The following CSGALNACT1 variants were observed in gnomAD, a reference collection of about 807,000 sequenced individuals.
CSGALNACT1 encodes the protein chondroitin sulfate N-acetylgalactosaminyltransferase 1, also known as beta4GalNAcT-1.
A neutral mutation model predicts 51.0 loss-of-function variants in CSGALNACT1; 52 were observed. The observed-to-expected ratio is 1.02, with a 90% CI of 0.82 to 1.29. CSGALNACT1 has a LOEUF of 1.29. CSGALNACT1 is among the 50% of genes most tolerant of loss of function. The pLI, the probability that CSGALNACT1 is intolerant of heterozygous loss-of-function variation, is 0.00. For missense variants in CSGALNACT1, 935 were observed against 679.2 expected, an observed-to-expected ratio of 1.38 and a Z score of -4.19; for synonymous variants, 341 against 254.4, an observed-to-expected ratio of 1.34 and a Z score of -3.24.
chr8:19,672,748 CTT>C (rs1324691047), intron 1 of CSGALNACT1, among the ~76,000 whole-genome samples: 1 of 152,060 alleles, frequency 6.6e-6, no homozygotes, highest in Non-Finnish European at 1.5e-5. Context: ...CAAAAAGAAA[CTT>C]ATTTTTTATA....
intron 6 of CSGALNACT1, among the ~76,000 whole-genome samples, chr8:19,435,133 T>C (rs1292730341): frequency 2.0e-5 from 3 of 152,196 alleles, no homozygotes; most frequent in Admixed American, 6.5e-5. Context: ...TGGGCAAAGA[T>C]GAACTTGTAA....
intron 1 of CSGALNACT1, among the ~76,000 whole-genome samples, chr8:19,702,818 C>G (rs1055329329): frequency 1.3e-5 from 2 of 152,130 alleles, no homozygotes; most frequent in African/African-American, 4.8e-5. Context: ...TGCCATGGAT[C>G]TAGTGCAGAA....
intron 1 of CSGALNACT1, among the ~76,000 whole-genome samples, chr8:19,735,871 A>T (rs1005324462): frequency 3.9e-5 from 6 of 152,200 alleles, no homozygotes; most frequent in Non-Finnish European, 8.8e-5. Context: ...AACAATTCAA[A>T]AGTGAACAAA....
intron 1 of CSGALNACT1, among the ~76,000 whole-genome samples, chr8:19,731,487 G>A (rs777609317): frequency 1.3e-5 from 2 of 152,138 alleles, no homozygotes; most frequent in East Asian, 3.9e-4. Context: ...TAGCCTGGAC[G>A]AGAGCGAGAC....
At chr8:19,666,018 C>G (rs555707339) in intron 1 of CSGALNACT1, among the ~76,000 whole-genome samples, 6 of 152,300 alleles carry the variant, frequency 3.9e-5, no homozygotes, top group Admixed American at 1.3e-4. Flanking sequence ...TCACAGCTCT[C>G]ACATGGCAGT....
At chr8:19,436,646 C>T (rs1185832490) in intron 6 of CSGALNACT1, among the ~76,000 whole-genome samples, 2 of 152,144 alleles carry the variant, frequency 1.3e-5, no homozygotes, top group Admixed American at 1.3e-4. Flanking sequence ...GAGGATCACA[C>T]CCATAATCCC....
At chr8:19,751,874 G>A (rs2065050978) in intron 1 of CSGALNACT1, among the ~76,000 whole-genome samples, 1 of 151,916 alleles carries the variant, frequency 6.6e-6, no homozygotes, top group African/African-American at 2.4e-5. Flanking sequence ...TGCCCCCTGT[G>A]CAACCTTTGG....
intron 3 of CSGALNACT1, among the ~76,000 whole-genome samples, chr8:19,563,138 G>A (rs1001768685): frequency 1.1e-4 from 17 of 152,270 alleles, no homozygotes; most frequent in African/African-American, 1.4e-4. Flanking sequence ...GGACATGGAC[G>A]GAGCTAGAAG....
intron 1 of CSGALNACT1, among the ~76,000 whole-genome samples, chr8:19,730,400 A>G (rs2063626663): frequency 6.6e-6 from 1 of 152,190 alleles, no homozygotes; most frequent in Admixed American, 6.5e-5. Context: ...CTAATAAAGA[A>G]ATTGCTTATG....
chr8:19,723,432 G>C (rs532843542), intron 1 of CSGALNACT1, among the ~76,000 whole-genome samples: 135 of 152,266 alleles, frequency 8.9e-4, no homozygotes, highest in Non-Finnish European at 1.5e-3. Context: ...CAAATGCAAG[G>C]TACCATTCTG....
intron 4 of CSGALNACT1, among the ~76,000 whole-genome samples, chr8:19,485,044 C>G (rs1462982383): frequency 6.6e-6 from 1 of 152,164 alleles, no homozygotes; most frequent in Non-Finnish European, 1.5e-5. Context: ...AAATAAACTT[C>G]TCTTGTCTCA....
chr8:19,729,929 G>A (rs1249340298), intron 1 of CSGALNACT1, among the ~76,000 whole-genome samples: 3 of 152,128 alleles, frequency 2.0e-5, no homozygotes, highest in Non-Finnish European at 4.4e-5. Flanking sequence ...CATTTCCCCA[G>A]CACCTTCAGC....
chr8:19,500,090 C>A (rs1028887196), intron 4 of CSGALNACT1, among the ~76,000 whole-genome samples: 2 of 152,310 alleles, frequency 1.3e-5, no homozygotes, highest in Admixed American at 1.3e-4. Context: ...TATTTGAAAG[C>A]AGTAAAAGGA....
At chr8:19,469,871 A>T (rs142732392) in intron 4 of CSGALNACT1, among the ~76,000 whole-genome samples, 138 of 152,304 alleles carry the variant, frequency 9.1e-4, no homozygotes, top group African/African-American at 3.2e-3. Context: ...ACTCTGTGAA[A>T]CCAGAACTTG....
chr8:19,601,561 A>G (rs1218255588), intron 2 of CSGALNACT1, among the ~76,000 whole-genome samples: 1 of 152,264 alleles, frequency 6.6e-6, no homozygotes, highest in Non-Finnish European at 1.5e-5. Context: ...TGTAGATGTT[A>G]CAGCCTTTAA....
chr8:19,723,148 G>A (rs192772171), intron 1 of CSGALNACT1, among the ~76,000 whole-genome samples: 1 of 152,006 alleles, frequency 6.6e-6, no homozygotes, highest in Non-Finnish European at 1.5e-5. Context: ...ACCTTATTTT[G>A]GGCTCTGGCC....
chr8:19,413,294 T>A (rs981719865), intron 8 of CSGALNACT1, among the ~76,000 whole-genome samples: 1 of 152,178 alleles, frequency 6.6e-6, no homozygotes, highest in Non-Finnish European at 1.5e-5. Flanking sequence ...GTATCCCCTG[T>A]TGCCCAGCAT....
chr8:19,523,939 T>A (rs2081197209), intron 3 of CSGALNACT1, among the ~76,000 whole-genome samples: 1 of 152,174 alleles, frequency 6.6e-6, no homozygotes, highest in African/African-American at 2.4e-5. Context: ...TCAAGTTGAG[T>A]ATTATTTGTT....
chr8:19,439,817 G>A lies in CSGALNACT1; in HGVS notation c.953+13C>T, dbSNP rs185455873. ...TACCAGGATTCCTTATGACAGCTCC[G>A]TATTGTACTCACTTGGAAGTGTTTT... On this transcript the variant is annotated intron_variant, in intron 6 of 9. Coordinates refer to ENST00000454498, the Ensembl canonical transcript of CSGALNACT1. 322 of 1,595,740 alleles carry A rather than the reference G, an allele frequency of 2.0e-4. No homozygotes were observed. Among genetic ancestry groups the A allele is most frequent in the East Asian group, 6.7e-4 (30 of 44,780 alleles).
Sources: allele counts gnomAD v4.1 joint callset (sites outside exome capture counted in the v4.1 genomes callset), GRCh38; gene constraint gnomAD v4.1.1; transcripts MANE v1.5; gene names NCBI Gene and HGNC (gene_info 2026-07-23, HGNC 2026-07-21).